Variants in CNTNAP2 observed in about 807,000 individuals in gnomAD.
CNTNAP2 encodes contactin associated protein 2, also known as contactin-associated protein-like 2.
In CNTNAP2, 98 loss-of-function variants were observed where a neutral mutation model predicts 155.2. The ratio of observed to expected loss-of-function variants is 0.63; its 90% CI spans 0.54 to 0.75. CNTNAP2 has a LOEUF of 0.75. Ranked by LOEUF, CNTNAP2 falls within the 30% of genes least tolerant of loss-of-function variation. CNTNAP2 has a pLI of 0.00. For synonymous variants in CNTNAP2, 651 were observed against 631.2 expected (o/e 1.03, Z -0.47); for missense variants, 1,727 against 1,688.1 (o/e 1.02, Z -0.40).
At chr7:148,400,587 G>C (rs1799560475) in intron 22 of CNTNAP2, among the ~76,000 whole-genome samples, 1 of 152,156 alleles carries the variant, frequency 6.6e-6, no homozygotes, top group Non-Finnish European at 1.5e-5. Flanking sequence ...ATAGCAAATA[G>C]TGTGGTAAAT....
chr7:146,767,240 T>G (rs1802211605), intron 1 of CNTNAP2, among the ~76,000 whole-genome samples: 1 of 152,176 alleles, frequency 6.6e-6, no homozygotes, highest in South Asian at 2.1e-4. Context: ...CTGTGCAAAG[T>G]TAGTTGCTTC....
chr7:146,340,120 G>A (rs10269314), intron 1 of CNTNAP2, among the ~76,000 whole-genome samples: 18,024 of 139,966 alleles, frequency 0.13, 2,116 homozygotes, highest in African/African-American at 0.32. Flanking sequence ...AGTGAGCGGA[G>A]ATCGCGCCAC....
intron 3 of CNTNAP2, among the ~76,000 whole-genome samples, chr7:146,930,063 C>T (rs925156472): frequency 1.1e-4 from 17 of 152,090 alleles, no homozygotes; most frequent in Non-Finnish European, 2.2e-4. Flanking sequence ...GGCAGGCCAA[C>T]ATTCAGATTC....
intron 8 of CNTNAP2, among the ~76,000 whole-genome samples, chr7:147,299,810 A>C (rs1037517807): frequency 2.0e-5 from 3 of 152,210 alleles, no homozygotes; most frequent in Non-Finnish European, 4.4e-5. Flanking sequence ...GGCTGGATGC[A>C]GTGGCTCACG....
chr7:146,243,526 T>C (rs901068366), intron 1 of CNTNAP2, among the ~76,000 whole-genome samples: 1 of 152,208 alleles, frequency 6.6e-6, no homozygotes, highest in Non-Finnish European at 1.5e-5. Context: ...TCACATGGTT[T>C]GTAAAGCAAA....
intron 8 of CNTNAP2, among the ~76,000 whole-genome samples, chr7:147,234,071 A>C (rs561376645): frequency 2.6e-5 from 4 of 151,278 alleles, no homozygotes; most frequent in Non-Finnish European, 5.9e-5. Context: ...AAGAAAATCT[A>C]ATTGCTATTT....
intron 21 of CNTNAP2, among the ~76,000 whole-genome samples, chr7:148,308,819 A>G (rs888531570): frequency 6.6e-6 from 1 of 151,010 alleles, no homozygotes; most frequent in African/African-American, 2.4e-5. Context: ...GAGTGAGAAC[A>G]TGCAGTGTTT....
chr7:147,428,203 G>T (rs1199023168), intron 10 of CNTNAP2, among the ~76,000 whole-genome samples: 1 of 152,128 alleles, frequency 6.6e-6, no homozygotes, highest in South Asian at 2.1e-4. Context: ...TCCTCATGAA[G>T]ACTTCTCAGA....
intron 2 of CNTNAP2, among the ~76,000 whole-genome samples, chr7:146,804,741 G>T (rs1802937789): frequency 6.6e-6 from 1 of 152,120 alleles, no homozygotes; most frequent in African/African-American, 2.4e-5. Context: ...TTAGAAAGAG[G>T]TTTAATTAAC....
At chr7:147,566,955 C>A (rs955550365) in intron 12 of CNTNAP2, among the ~76,000 whole-genome samples, 2 of 152,118 alleles carry the variant, frequency 1.3e-5, no homozygotes, top group Non-Finnish European at 2.9e-5. Flanking sequence ...CTGCTTGGAT[C>A]CTAGAGAATG....
At chr7:147,219,915 A>G (rs1291435622) in intron 8 of CNTNAP2, among the ~76,000 whole-genome samples, 1 of 149,622 alleles carries the variant, frequency 6.7e-6, no homozygotes, top group Non-Finnish European at 1.5e-5. Context: ...AGCTGGGACT[A>G]CAGGCACCCA....
At chr7:148,223,441 C>A (rs1361805531) in intron 19 of CNTNAP2, among the ~76,000 whole-genome samples, 1 of 152,202 alleles carries the variant, frequency 6.6e-6, no homozygotes, top group Admixed American at 6.5e-5. Flanking sequence ...GAGAATAAAT[C>A]TGTTAAGCAT....
chr7:147,500,152 TG>T (rs1798784451), intron 11 of CNTNAP2, among the ~76,000 whole-genome samples: 1 of 135,658 alleles, frequency 7.4e-6, no homozygotes, highest in Non-Finnish European at 1.6e-5. Flanking sequence ...AAACAGTTTA[TG>T]GATAAAATTA....
At chr7:148,229,913 C>A in intron 20 of CNTNAP2, 134 bp downstream of exon 20, 2 of 940,948 alleles carry the variant, frequency 2.1e-6, no homozygotes, top group Non-Finnish European at 1.6e-6. Flanking sequence ...CCTACAAGTG[C>A]ATAACTAGTG....
chr7:148,031,491 C>A (rs973767898), intron 15 of CNTNAP2, among the ~76,000 whole-genome samples: 2 of 152,156 alleles, frequency 1.3e-5, no homozygotes, highest in Non-Finnish European at 2.9e-5. Context: ...ACACCTTACA[C>A]CTTACACATA....
chr7:146,657,767 T>C (rs1396438050), intron 1 of CNTNAP2, among the ~76,000 whole-genome samples: 1 of 152,172 alleles, frequency 6.6e-6, no homozygotes, highest in Non-Finnish European at 1.5e-5. Flanking sequence ...ATGATCTTCA[T>C]TGTCAAAAAG....
chr7:147,359,227 A>G (rs73740610), intron 9 of CNTNAP2, among the ~76,000 whole-genome samples: 4,388 of 152,164 alleles, frequency 0.029, 206 homozygotes, highest in African/African-American at 0.1. Flanking sequence ...CTCTATTCCA[A>G]TTACTCATAC....
chr7:146,579,683 A>C (rs987589455), intron 1 of CNTNAP2, among the ~76,000 whole-genome samples: 2 of 152,110 alleles, frequency 1.3e-5, no homozygotes, highest in Non-Finnish European at 2.9e-5. Flanking sequence ...AAAAGACTAA[A>C]AATTACCCTA....
chr7:146,178,415 A>G (rs1040142116), intron 1 of CNTNAP2, among the ~76,000 whole-genome samples: 2 of 152,144 alleles, frequency 1.3e-5, no homozygotes, highest in African/African-American at 4.8e-5. Flanking sequence ...GTAAATTTTG[A>G]TACATCAGAT....
Sources: allele counts gnomAD v4.1 joint callset (sites outside exome capture counted in the v4.1 genomes callset), GRCh38; gene constraint gnomAD v4.1.1; transcripts MANE v1.5; gene names NCBI Gene and HGNC (gene_info 2026-07-23, HGNC 2026-07-21).